FAM120B: variants seen among roughly 807,000 people sequenced by gnomAD.
FAM120B encodes constitutive coactivator of peroxisome proliferator-activated receptor gamma.
FAM120B carries 83 observed loss-of-function variants against 96.3 expected under a neutral mutation model. The observed-to-expected ratio is 0.86, with a 90% confidence interval of 0.72 to 1.03. FAM120B has a LOEUF of 1.03. Ranked by LOEUF, FAM120B falls within the 50% of genes least tolerant of loss-of-function variation. FAM120B has a pLI of 0.00. For missense variants in FAM120B, 1,027 were observed against 1,121.2 expected (o/e 0.92, Z 1.20); for synonymous variants, 407 against 402.7 (o/e 1.01, Z -0.13).
At chr6:170,293,691 CCT>C (rs1177697923), upstream of FAM120B, among the ~76,000 whole-genome samples, 2 of 152,026 alleles carry the variant, frequency 1.3e-5, no homozygotes, top group African/African-American at 4.8e-5. Flanking sequence ...TCCTCCTCCT[CCT>C]CTTTCTCCTA....
At chr6:170,367,892 C>T (rs139586037) in intron 6 of FAM120B, among the ~76,000 whole-genome samples, 13 of 152,310 alleles carry the variant, frequency 8.5e-5, no homozygotes, top group South Asian at 2.1e-4. Context: ...CAAAGACCCT[C>T]GCCATGATAA....
intron 3 of FAM120B, among the ~76,000 whole-genome samples, chr6:170,325,385 A>C (rs952025510): frequency 6.6e-6 from 1 of 151,880 alleles, no homozygotes; most frequent in African/African-American, 2.4e-5. Flanking sequence ...ACTGAACGTA[A>C]CTCTTGGCAT....
At chr6:170,355,950 A>AACG (rs906633475) in intron 5 of FAM120B, among the ~76,000 whole-genome samples, 2 of 152,218 alleles carry the variant, frequency 1.3e-5, no homozygotes, top group Admixed American at 1.3e-4. Context: ...TGTGCACAAC[A>AACG]ATGGGAAGGC....
At position 170,338,137 on chromosome 6, in the gene FAM120B, A is replaced by G. The variant is rs550740888; in HGVS notation, c.2017+7587A>G. Among the ~76,000 whole-genome samples, 5 of 152,258 alleles carry G rather than the reference A, an allele frequency of 3.3e-5. No individual in the cohort carries two copies. The South Asian group carries it at 1.0e-3, about 32-fold the overall frequency. ...ATTGTGATGTTAGGGTGTCAATTTC[A>G]TATCTTTCCTGCTTTCTGATGTGGG... is the stretch of plus-strand genomic sequence containing the variant. On this transcript the variant is annotated intron_variant, in intron 4 of 10. Coordinates refer to ENST00000476287, the MANE Select transcript of FAM120B (RefSeq NM_032448.3).
chr6:170,329,774 A>G (rs1785879005), intron 3 of FAM120B, among the ~76,000 whole-genome samples: 1 of 152,000 alleles, frequency 6.6e-6, no homozygotes, highest in South Asian at 2.1e-4. Flanking sequence ...TTAAGGGGAC[A>G]TCTCTCCACT....
At position 170,405,789 on chromosome 6, in the gene FAM120B, G is replaced by T. The variant is rs1336574790; in HGVS notation, c.*1038G>T. ...GTGTGTGACTCCTGTGTCTGTTTCT[G>T]TGGGGTCATCCCTTTCGTTTCATTT... On this transcript the variant is annotated 3_prime_UTR_variant, in exon 11 of 11. Transcript: ENST00000476287. 6.6e-6 allele frequency: 1 copy of T among 152,202 alleles called. No homozygotes were observed. Among genetic ancestry groups the T allele is most frequent in the Non-Finnish European group, 1.5e-5 (1 of 68,042 alleles). The allele number at this position is 152,202 out of a possible 1,614,324, so 9.4% of individuals were successfully genotyped here.
chr6:170,391,074 A>G lies in FAM120B; in HGVS notation c.2552A>G (p.Glu851Gly). ...KAVVCKACMK[E>G]NRRITGRAHW... Reference sequence around the variant, plus strand: ...GTCGTCTGCAAGGCCTGCATGAAGGAGAACAGACGCATCACTGGCCGAGCC... The same window carrying G: ...GTCGTCTGCAAGGCCTGCATGAAGGGGAACAGACGCATCACTGGCCGAGCC... The change falls in exon 8 of 11, where the codon GAG becomes GGG. Residue 851 changes from glutamate (E) to glycine (G), a missense_variant. This residue lies in a region of FAM120B where 142 missense variants were observed against 122.5 expected (regional missense o/e 1.16). Transcript: ENST00000476287. The G allele has an allele frequency of 2.5e-6, 4 of 1,614,222 alleles. No individual in the cohort carries two copies. The highest frequency in any genetic ancestry group is 8.5e-7 in the Non-Finnish European group (1 of 1,180,042).
At chr6:170,383,230 A>G (rs1178708499) in intron 6 of FAM120B, among the ~76,000 whole-genome samples, 2 of 152,230 alleles carry the variant, frequency 1.3e-5, no homozygotes, top group Non-Finnish European at 2.9e-5. Context: ...GATCTTTGGT[A>G]TCTAGGGTCA....
At chr6:170,378,429 C>T (rs1429710602) in intron 6 of FAM120B, among the ~76,000 whole-genome samples, 1 of 152,236 alleles carries the variant, frequency 6.6e-6, no homozygotes, top group Non-Finnish European at 1.5e-5. Flanking sequence ...ACCATCACCC[C>T]TCCCTGAGGA....
At chr6:170,320,884 C>T (rs751130739) in intron 2 of FAM120B, among the ~76,000 whole-genome samples, 1 of 152,148 alleles carries the variant, frequency 6.6e-6, no homozygotes, top group African/African-American at 2.4e-5. Context: ...AGAAAAGAAA[C>T]GGTCAGGAGT....
chr6:170,329,379 G>A (rs1785843029), intron 3 of FAM120B, among the ~76,000 whole-genome samples: 1 of 152,218 alleles, frequency 6.6e-6, no homozygotes, highest in Non-Finnish European at 1.5e-5. Context: ...TCCGTCACAT[G>A]AATGCAGTTG....
At chr6:170,347,526 T>C (rs1787272501) in intron 4 of FAM120B, among the ~76,000 whole-genome samples, 1 of 152,210 alleles carries the variant, frequency 6.6e-6, no homozygotes, top group Non-Finnish European at 1.5e-5. Context: ...AAAATTACAT[T>C]TTAGGAATTT....
At position 170,343,357 on chromosome 6, in the gene FAM120B, T is replaced by G. The variant is rs192786738; in HGVS notation, c.2018-4794T>G. On this transcript the variant is annotated intron_variant, in intron 4 of 10. Coordinates refer to ENST00000476287, the MANE Select transcript of FAM120B (RefSeq NM_032448.3). Reference sequence around the variant, plus strand: ...TAGTAGCATTAAAAGACAAAAACCTTGGAGTATATTATCTTCCATTAAATA... The same window carrying G: ...TAGTAGCATTAAAAGACAAAAACCTGGGAGTATATTATCTTCCATTAAATA... Among the ~76,000 whole-genome samples, 604 of 152,184 alleles carry G rather than the reference T, an allele frequency of 4.0e-3. 3 individuals carry two copies. The highest frequency in any genetic ancestry group is 6.5e-3 in the Non-Finnish European group (443 of 68,036).
At position 170,344,699 on chromosome 6, in the gene FAM120B, G is replaced by T. The variant is rs78983860; in HGVS notation, c.2018-3452G>T. Among the ~76,000 whole-genome samples the T allele has an allele frequency of 0.01, 1,566 of 152,252 alleles. 67 individuals are homozygous for T. The East Asian group carries it at 0.1, about 10-fold the overall frequency. On this transcript the variant is annotated intron_variant, in intron 4 of 10. Coordinates refer to ENST00000476287, the MANE Select transcript of FAM120B (RefSeq NM_032448.3). Reference sequence around the variant, plus strand: ...CCTCAGCATGCTTCCCCTAATCGTTGCGTGGATCCATTCCCTCACCTCTTT... The same window carrying T: ...CCTCAGCATGCTTCCCCTAATCGTTTCGTGGATCCATTCCCTCACCTCTTT...
intron 4 of FAM120B, among the ~76,000 whole-genome samples, chr6:170,334,573 T>TGTGC (rs1554281487): frequency 5.4e-5 from 8 of 149,326 alleles, no homozygotes; most frequent in Middle Eastern, 6.9e-3. Flanking sequence ...TGTGTGTGTG[T>TGTGC]GCACATGCCC....
At chr6:170,401,677 T>C (rs1407194415) in intron 9 of FAM120B, among the ~76,000 whole-genome samples, 1 of 152,178 alleles carries the variant, frequency 6.6e-6, no homozygotes, top group Non-Finnish European at 1.5e-5. Context: ...ATCCCAAGTC[T>C]GAGATCCAGA....
rs1786984678 is a variant in FAM120B at position 170,343,655 on chromosome 6, G to A, written c.2018-4496G>A. On this transcript the variant is annotated intron_variant, in intron 4 of 10. Transcript: ENST00000476287. ...TTTGTAGCCTTTTTGTTGAAACTCA[G>A]CAGCTGAATCACCTGGCTGGTGTGT... 2.0e-5 allele frequency among the ~76,000 whole-genome samples: 3 copies of A among 152,024 alleles called. No individual in the cohort carries two copies. In the South Asian group the frequency reaches 6.2e-4, roughly 31 times the overall value.
chr6:170,318,378 T>C lies in FAM120B; in HGVS notation c.988T>C (p.Ser330Pro), dbSNP rs1419591715. 1 of 1,614,102 alleles carries C rather than the reference T, an allele frequency of 6.2e-7. No homozygotes were observed. The highest frequency in any genetic ancestry group is 8.5e-7 in the Non-Finnish European group (1 of 1,180,042). ...AATAACTTTGGACAAACAAGTAATA[T>C]CCACGAGTTCAGACGCCGAATCCAG... is the stretch of plus-strand genomic sequence containing the variant. ...GVITLDKQVI[S>P]TSSDAESREE... Residue 330 changes from serine to proline, a missense_variant, in exon 2 of 11, where the codon TCC becomes CCC. Ser to Pro is a moderately conservative substitution (Grantham distance 74). Around this residue, in one of 3 missense-constraint regions of FAM120B, gnomAD observed 880 missense variants for 980.9 expected, o/e 0.90. Coordinates refer to ENST00000476287, the MANE Select transcript of FAM120B (RefSeq NM_032448.3).
intron 1 of FAM120B, among the ~76,000 whole-genome samples, chr6:170,296,607 C>T (rs1472195476): frequency 6.6e-6 from 1 of 151,792 alleles, no homozygotes; most frequent in Non-Finnish European, 1.5e-5. Flanking sequence ...GGCGACGGCG[C>T]ACACCTCGGA....
Sources: allele counts gnomAD v4.1 joint callset (sites outside exome capture counted in the v4.1 genomes callset), GRCh38; gene constraint gnomAD v4.1.1; regional missense constraint gnomAD v4.1.1; transcripts MANE v1.5; gene names NCBI Gene and HGNC (gene_info 2026-07-23, HGNC 2026-07-21).